The following WWOX variants were observed in gnomAD, a reference collection of about 807,000 sequenced individuals.
WWOX encodes the protein WW domain-containing oxidoreductase.
A neutral mutation model predicts 46.2 loss-of-function variants in WWOX; 69 were observed. The ratio of observed to expected loss-of-function variants is 1.49; its 90% confidence interval spans 1.23 to 1.82. WWOX has a LOEUF of 1.82. Among genes scored for constraint, WWOX ranks in the 40% most tolerant of loss-of-function variants. WWOX has a pLI of 0.00. For missense variants in WWOX, 919 were observed against 542.6 expected (o/e 1.69, Z -6.89); for synonymous variants, 359 against 202.6 (o/e 1.77, Z -6.56).
intron 8 of WWOX, among the ~76,000 whole-genome samples, chr16:78,675,569 A>G (rs1432451004): frequency 6.6e-6 from 1 of 152,186 alleles, no homozygotes; most frequent in Non-Finnish European, 1.5e-5. Flanking sequence ...GGTTTATGTG[A>G]TGGCTCCACA....
At chr16:78,801,858 A>G (rs888614727) in intron 8 of WWOX, among the ~76,000 whole-genome samples, 1 of 152,176 alleles carries the variant, frequency 6.6e-6, no homozygotes, top group African/African-American at 2.4e-5. Context: ...TATTTTATAG[A>G]TTGTTGAGTC....
intron 8 of WWOX, among the ~76,000 whole-genome samples, chr16:79,051,924 G>GCCTGTT (rs2048174712): frequency 6.6e-6 from 1 of 152,208 alleles, no homozygotes; most frequent in South Asian, 2.1e-4. Context: ...TTAGGTCATA[G>GCCTGTT]CCTGTTCCTC....
intron 8 of WWOX, among the ~76,000 whole-genome samples, chr16:78,748,429 G>A (rs1038009442): frequency 6.6e-6 from 1 of 152,142 alleles, no homozygotes. Context: ...AAGCCCTGGG[G>A]ATACAGAGTT....
intron 8 of WWOX, chr16:78,551,241 A>C (rs1487695081): frequency 6.6e-6 from 1 of 152,232 alleles, no homozygotes; most frequent in Non-Finnish European, 1.5e-5. Context: ...TTTTTGAAGA[A>C]ACCTAATGAA....
chr16:79,058,244 C>T (rs991444251), intron 8 of WWOX, among the ~76,000 whole-genome samples: 6 of 151,852 alleles, frequency 4.0e-5, no homozygotes, highest in African/African-American at 1.5e-4. Flanking sequence ...TGATGGTGGG[C>T]AACTTTCTTT....
intron 8 of WWOX, among the ~76,000 whole-genome samples, chr16:79,021,915 A>C (rs540198640): frequency 6.6e-6 from 1 of 152,338 alleles, no homozygotes; most frequent in African/African-American, 2.4e-5. Context: ...GACCAACACC[A>C]GCAACTGTAT....
chr16:78,864,556 A>G (rs1031216678), intron 8 of WWOX, among the ~76,000 whole-genome samples: 1 of 152,126 alleles, frequency 6.6e-6, no homozygotes, highest in Non-Finnish European at 1.5e-5. Context: ...GGCATGAGCC[A>G]CTGCACCCAG....
rs186772766 is a variant in WWOX at position 78,908,625 on chromosome 16, A to G, written c.1057-302983A>G. Among the ~76,000 whole-genome samples the G allele has an allele frequency of 7.0e-3, 1,070 of 152,182 alleles. 8 individuals are homozygous for G. Among genetic ancestry groups the G allele is most frequent in the Non-Finnish European group, 0.012 (789 of 68,016 alleles). On this transcript the variant is annotated intron_variant, in intron 8 of 8. Transcript: ENST00000566780. Reference sequence around the variant, plus strand: ...TTATTACTCAAATAAGTCTCCCCCAAAACTCAGGGATAGAGATTTTTAAGG... The same window carrying G: ...TTATTACTCAAATAAGTCTCCCCCAGAACTCAGGGATAGAGATTTTTAAGG...
At chr16:78,996,108 C>T (rs542502468) in intron 8 of WWOX, 6 of 740,198 alleles carry the variant, frequency 8.1e-6, no homozygotes, top group African/African-American at 7.6e-5. Context: ...AACGTGGCCC[C>T]TTCCATGAAA....
intron 8 of WWOX, among the ~76,000 whole-genome samples, chr16:78,781,573 G>A (rs1313204241): frequency 6.6e-6 from 1 of 152,148 alleles, no homozygotes. Flanking sequence ...TTTAAAACAT[G>A]TTTATCTATC....
rs959917859 is a variant in WWOX at position 78,099,679 on chromosome 16, G to A, written c.-100G>A. 36 of 1,419,172 alleles carry A rather than the reference G, an allele frequency of 2.5e-5. 1 individual carries two copies. The South Asian group carries it at 4.6e-4, about 18-fold the overall frequency. The allele number at this position is 1,419,172 out of a possible 1,614,324, so 87.9% of individuals were successfully genotyped here. ...GCAGTGCGCAGGCGTGAGCGGTCGG[G>A]CCCCGACGCGCGCGGGTCTCGTTTG... On this transcript the variant is annotated 5_prime_UTR_variant, in exon 1 of 9. Transcript: ENST00000566780.
intron 5 of WWOX, among the ~76,000 whole-genome samples, chr16:78,289,785 G>C (rs548568587): frequency 4.6e-5 from 7 of 152,120 alleles, no homozygotes; most frequent in Non-Finnish European, 8.8e-5. Context: ...CTTTAGAGGA[G>C]GTCCTGAATA....
At chr16:78,660,180 T>C (rs762869643) in intron 8 of WWOX, among the ~76,000 whole-genome samples, 10 of 152,182 alleles carry the variant, frequency 6.6e-5, no homozygotes, top group Non-Finnish European at 1.2e-4. Flanking sequence ...CTTTTTTTGT[T>C]TTTAATTACA....
At chr16:78,762,991 T>C (rs1054756058) in intron 8 of WWOX, among the ~76,000 whole-genome samples, 1 of 152,172 alleles carries the variant, frequency 6.6e-6, no homozygotes, top group African/African-American at 2.4e-5. Context: ...GGGGACCAGA[T>C]GAGCAATAGA....
At chr16:79,006,730 C>T (rs2047198257) in intron 8 of WWOX, among the ~76,000 whole-genome samples, 1 of 152,082 alleles carries the variant, frequency 6.6e-6, no homozygotes, top group South Asian at 2.1e-4. Flanking sequence ...GCAGCTTGTA[C>T]CCTTGCGTCT....
rs567154625 is a variant in WWOX at position 78,579,182 on chromosome 16, T to G, written c.1056+146430T>G. ...GATTCAGCAATAATTAGGAAGTCCCTATTTGTGGGTGTTACTTTACTAACT... is the reference window on the plus strand; with the variant it reads ...GATTCAGCAATAATTAGGAAGTCCCGATTTGTGGGTGTTACTTTACTAACT... On this transcript the variant is annotated intron_variant, in intron 8 of 8. Coordinates refer to ENST00000566780, the MANE Select transcript of WWOX (RefSeq NM_016373.4). Among the ~76,000 whole-genome samples, 34 of 152,336 alleles carry G rather than the reference T, an allele frequency of 2.2e-4. No homozygotes were observed. In the South Asian group the frequency reaches 6.8e-3, roughly 31 times the overall value.
At chr16:78,492,398 T>G (rs1411431993) in intron 8 of WWOX, among the ~76,000 whole-genome samples, 1 of 152,172 alleles carries the variant, frequency 6.6e-6, no homozygotes, top group Admixed American at 6.5e-5. Context: ...CAATTAAGCC[T>G]CCCTTCTCAT....
At chr16:78,457,264 C>T (rs2083842083) in intron 8 of WWOX, among the ~76,000 whole-genome samples, 1 of 152,168 alleles carries the variant, frequency 6.6e-6, no homozygotes, top group Non-Finnish European at 1.5e-5. Context: ...AGCAAAAGCT[C>T]TCCTGCAAAT....
intron 8 of WWOX, among the ~76,000 whole-genome samples, chr16:79,088,689 G>C (rs371249632): frequency 9.5e-4 from 145 of 152,242 alleles, no homozygotes; most frequent in African/African-American, 3.4e-3. Flanking sequence ...TACATCATTT[G>C]TCAAATATGT....
Sources: allele counts gnomAD v4.1 joint callset (sites outside exome capture counted in the v4.1 genomes callset), GRCh38; gene constraint gnomAD v4.1.1; transcripts MANE v1.5; gene names NCBI Gene and HGNC (gene_info 2026-07-23, HGNC 2026-07-21).